NME9: variants seen among roughly 807,000 people sequenced by gnomAD.
NME9 encodes the protein thioredoxin domain-containing protein 6.
A neutral mutation model predicts 44.4 loss-of-function variants in NME9; 48 were observed. That is an observed-to-expected ratio of 1.08 (90% CI 0.86 to 1.37). The LOEUF (loss-of-function observed/expected upper bound fraction) is 1.37. NME9 is among the 40% of genes most tolerant of loss of function. NME9 has a pLI of 0.00. For synonymous variants in NME9, 139 were observed against 147.1 expected (o/e 0.94, Z 0.40); for missense variants, 325 against 405.2 (o/e 0.80, Z 1.70).
At chr3:138,269,820 CTTTTTT>C (rs77095833) in intron 8 of NME9, among the ~76,000 whole-genome samples, 2 of 121,698 alleles carry the variant, frequency 1.6e-5, no homozygotes, top group South Asian at 2.8e-4. Context: ...TGTTTTCTTT[CTTTTTT>C]TTTTTTTTTT....
exon 9 of NME9, chr3:138,261,580 A>T: frequency 6.6e-6 from 1 of 152,320 alleles, no homozygotes; most frequent in East Asian, 1.9e-4. Context: ...ATTGTTATAT[A>T]TAAGAGATGG....
intron 8 of NME9, among the ~76,000 whole-genome samples, chr3:138,293,176 C>T (rs1368357575): frequency 6.6e-6 from 1 of 152,184 alleles, no homozygotes; most frequent in Non-Finnish European, 1.5e-5. Context: ...GTAAATGGCT[C>T]TTCCAGATTG....
chr3:138,322,823 A>G (rs1257465490), intron 2 of NME9, among the ~76,000 whole-genome samples: 1 of 152,212 alleles, frequency 6.6e-6, no homozygotes, highest in Non-Finnish European at 1.5e-5. Flanking sequence ...AGCTACTATC[A>G]CATAGGGTGC....
chr3:138,280,327 A>ATG (rs2049764885), intron 8 of NME9, among the ~76,000 whole-genome samples: 2 of 149,088 alleles, frequency 1.3e-5, no homozygotes, highest in African/African-American at 4.9e-5. Flanking sequence ...TTATTATTAT[A>ATG]TATATTTTAA....
chr3:138,315,980 C>T (rs1454759102), intron 4 of NME9, among the ~76,000 whole-genome samples: 10 of 152,104 alleles, frequency 6.6e-5, no homozygotes, highest in African/African-American at 2.4e-4. Flanking sequence ...TACAGGTGCC[C>T]GCCACCATGC....
At chr3:138,287,483 T>G (rs1462230079) in intron 8 of NME9, 1 of 363,418 alleles carries the variant, frequency 2.8e-6, no homozygotes, top group Non-Finnish European at 5.5e-6. Flanking sequence ...TCATAGTAAT[T>G]TGTGTCCTTA....
Position 138,271,124 on chromosome 3 carries a change from A to G in NME9, c.746-8538T>C, listed in dbSNP as rs1576905885. Among the ~76,000 whole-genome samples the G allele has an allele frequency of 3.3e-5, 5 of 152,264 alleles. No homozygotes were observed. In the South Asian group the frequency reaches 1.0e-3, roughly 32 times the overall value. ...TCCATGCTATATCTGCTGTGTTTTT[A>G]TACAGACTTTAGGATAGAAATAATT... On this transcript the variant is annotated intron_variant, in intron 8 of 8. Transcript: ENST00000317876.
intron 8 of NME9, chr3:138,270,049 G>A: frequency 3.1e-6 from 5 of 1,612,510 alleles, no homozygotes; most frequent in Non-Finnish European, 4.2e-6. Flanking sequence ...GCCAATTTTG[G>A]AATCAGGAGC....
Position 138,262,296 on chromosome 3 carries a change from G to A in NME9, c.*244C>T, listed in dbSNP as rs1576822660. 3 of 460,278 alleles carry A rather than the reference G, an allele frequency of 6.5e-6. No individual in the cohort carries two copies. In the East Asian group the frequency reaches 1.1e-4, roughly 16 times the overall value. 28.5% of individuals were successfully genotyped at this position (460,278 alleles called of 1,614,324 possible). ...AGTGATTGTGCATATCAGTAAGAAT[G>A]GAATTAGGTTTGGTCTAGGGCGAGG... is the stretch of plus-strand genomic sequence containing the variant. On this transcript the variant is annotated 3_prime_UTR_variant, in exon 9 of 9. Coordinates refer to the NME9 transcript ENST00000317876.
intron 8 of NME9, chr3:138,262,633 C>G (rs2047866525): frequency 1.4e-5 from 22 of 1,518,440 alleles, no homozygotes; most frequent in Non-Finnish European, 1.9e-5. Context: ...CTAGCCCTGA[C>G]CCTGGAGAAT....
chr3:138,313,009 G>T (rs1448963750), intron 6 of NME9, among the ~76,000 whole-genome samples: 1 of 152,184 alleles, frequency 6.6e-6, no homozygotes, highest in Non-Finnish European at 1.5e-5. Context: ...TGAAAAAGGT[G>T]CTCAATATCA....
chr3:138,295,014 T>C (rs749381994), intron 8 of NME9, among the ~76,000 whole-genome samples: 3 of 151,978 alleles, frequency 2.0e-5, no homozygotes, highest in Non-Finnish European at 4.4e-5. Flanking sequence ...TTCTCCTGGC[T>C]CAGCCTCCGA....
rs1040781599 is a variant in NME9, at chr3:138,305,932, T to C, written c.636+72A>G. ...TAATTTCTTCTGTCACAAACTGATA[T>C]CAATCTATAAGCATAATGTTGGAGG... is the stretch of plus-strand genomic sequence containing the variant. On this transcript the variant is annotated intron_variant, in intron 8 of 10. Transcript: ENST00000333911. 2.0e-5 allele frequency: 20 copies of C among 1,000,868 alleles called. No homozygotes were observed. The African/African-American group carries it at 2.6e-4, about 13-fold the overall frequency. The allele number at this position is 1,000,868 out of a possible 1,614,324, so 62.0% of individuals were successfully genotyped here.
intron 6 of NME9, 81 bp downstream of exon 6, chr3:138,314,251 C>T: frequency 1.3e-6 from 1 of 772,570 alleles, no homozygotes; most frequent in Non-Finnish European, 2.1e-6. Context: ...GCTCAGTAAA[C>T]TGAATACTCA....
At chr3:138,303,730 C>T in intron 9 of NME9, 87 bp from the exon 10 acceptor site, 16 of 1,166,528 alleles carry the variant, frequency 1.4e-5, no homozygotes, top group Non-Finnish European at 2.0e-5. Context: ...CACCGACTAC[C>T]AATCAGCACC....
At chr3:138,293,848 A>G (rs1327370155) in intron 8 of NME9, among the ~76,000 whole-genome samples, 1 of 152,216 alleles carries the variant, frequency 6.6e-6, no homozygotes, top group Non-Finnish European at 1.5e-5. Flanking sequence ...TACCAGCATC[A>G]AGTGGGATAG....
chr3:138,329,783 G>T lies in NME9; in HGVS notation c.-448C>A. 1 of 991,176 alleles carries T rather than the reference G, an allele frequency of 1.0e-6. No individual in the cohort carries two copies. The highest frequency in any genetic ancestry group is 1.7e-5 in the African/African-American group (1 of 57,564). The allele number at this position is 991,176 out of a possible 1,614,324, so 61.4% of individuals were successfully genotyped here. On this transcript the variant is annotated 5_prime_UTR_variant, in exon 1 of 11. An upstream open reading frame in the 5' UTR gains an earlier in-frame stop. Transcript: ENST00000333911. Reference sequence around the variant, plus strand: ...GAAAGTGAGCCACTGCGAACGACAGGTACAAGATCTTCGACGCGCCCGGAG... The same window carrying T: ...GAAAGTGAGCCACTGCGAACGACAGTTACAAGATCTTCGACGCGCCCGGAG...
chr3:138,264,459 A>G (rs556875808), intron 8 of NME9, among the ~76,000 whole-genome samples: 113 of 113,322 alleles, frequency 1.0e-3, no homozygotes, highest in Admixed American at 3.5e-3. Context: ...TAGCTCTGTC[A>G]CCCAGGCTGG....
At chr3:138,326,716 T>G (rs567838414) in intron 1 of NME9, among the ~76,000 whole-genome samples, 6 of 151,982 alleles carry the variant, frequency 3.9e-5, no homozygotes, top group African/African-American at 1.4e-4. Context: ...ATTACAGGCA[T>G]GAGCCAGCAC....
Sources: gnomAD v4.1 joint callset for allele counts (sites outside exome capture counted in the v4.1 genomes callset) on GRCh38, gnomAD v4.1.1 for gene constraint, MANE v1.5 for transcripts, NCBI Gene and HGNC (gene_info 2026-07-23, HGNC 2026-07-21) for gene names.